ERICH1: variants seen among roughly 807,000 people sequenced by gnomAD.
ERICH1 encodes glutamate-rich protein 1.
In ERICH1, 56 loss-of-function variants were observed where a neutral mutation model predicts 39.6. The ratio of observed to expected loss-of-function variants is 1.41; its 90% CI spans 1.14 to 1.77. The LOEUF is 1.77. ERICH1 is among the 40% of genes most tolerant of loss of function. The pLI is 0.00. For missense variants in ERICH1, 826 were observed against 575.4 expected (o/e 1.44, Z -4.45); for synonymous variants, 313 against 223.6 (o/e 1.40, Z -3.57).
intron 4 of ERICH1, among the ~76,000 whole-genome samples, chr8:673,065 GC>G (rs1417261741): frequency 6.6e-6 from 1 of 152,260 alleles, no homozygotes; most frequent in East Asian, 1.9e-4. Flanking sequence ...AGGGGCGCAT[GC>G]CCATCCACAT....
At chr8:649,569 T>C (rs1799670631) in intron 3 of ERICH1, among the ~76,000 whole-genome samples, 1 of 151,772 alleles carries the variant, frequency 6.6e-6, no homozygotes, top group South Asian at 2.1e-4. Context: ...GTTGTCACCT[T>C]TGTTGGATGT....
chr8:618,551 G>T (rs533483910), intron 3 of ERICH1, among the ~76,000 whole-genome samples: 31 of 152,336 alleles, frequency 2.0e-4, no homozygotes, highest in Admixed American at 2.0e-3. Flanking sequence ...GTGACTGACA[G>T]AGCCTCCCCC....
intron 3 of ERICH1, among the ~76,000 whole-genome samples, chr8:634,902 T>A (rs922516936): frequency 6.6e-6 from 1 of 152,252 alleles, no homozygotes; most frequent in East Asian, 1.9e-4. Flanking sequence ...CAGGGCAGCG[T>A]CCCGCAAGGA....
At chr8:630,968 ATG>A (rs1326351515) in intron 3 of ERICH1, among the ~76,000 whole-genome samples, 2 of 130,364 alleles carry the variant, frequency 1.5e-5, no homozygotes, top group Non-Finnish European at 3.4e-5. Context: ...AGCACCCCAC[ATG>A]GACAGAGCTG....
At chr8:708,297 A>T (rs796658673) in intron 2 of ERICH1, among the ~76,000 whole-genome samples, 5 of 152,324 alleles carry the variant, frequency 3.3e-5, no homozygotes, top group African/African-American at 1.2e-4. Flanking sequence ...TATAAACTCA[A>T]GAGAATCGAA....
At chr8:672,225 T>C (rs548959559) in intron 4 of ERICH1, 5 of 152,276 alleles carry the variant, frequency 3.3e-5, no homozygotes, top group African/African-American at 1.2e-4. Context: ...ACACACAGAA[T>C]AGAAAGTTTA....
At position 668,676 on chromosome 8, in the gene ERICH1, T is replaced by A; in HGVS notation, c.1180A>T (p.Thr394Ser). The change falls in exon 5 of 6, where the codon ACG becomes TCG. Residue 394 changes from threonine (T) to serine (S), a missense_variant. Thr to Ser is a moderately conservative substitution (Grantham distance 58). Coordinates refer to ENST00000262109, the MANE Select transcript of ERICH1 (RefSeq NM_207332.3). ...TCAGTATCTTGCAGGAGCAGCAGCG[T>A]TTTCATGTGGTACAGGATGGACACG... The part of the protein sequence containing the change: ...SDVSILYHMK[T>S]LLLLQDTERL... The A allele has an allele frequency of 6.2e-7, 1 of 1,614,174 alleles. No homozygotes were observed. The highest frequency in any genetic ancestry group is 8.5e-7 in the Non-Finnish European group (1 of 1,180,044).
Position 632,045 on chromosome 8 carries a change from G to A in ERICH1, c.977-16761C>T, listed in dbSNP as rs556210711. Among the ~76,000 whole-genome samples, 14 of 152,268 alleles carry A rather than the reference G, an allele frequency of 9.2e-5. No homozygotes were observed. The South Asian group carries it at 1.2e-3, about 14-fold the overall frequency. On this transcript the variant is annotated intron_variant, in intron 3 of 3. Transcript: ENST00000522706. Reference sequence around the variant, plus strand: ...CACAGCCGGAATAGACTCGAGCTGCGTCTCTGCTTCCCCAGGACACAGGCT... The same window carrying A: ...CACAGCCGGAATAGACTCGAGCTGCATCTCTGCTTCCCCAGGACACAGGCT...
At chr8:721,792 A>C (rs1817380725) in intron 1 of ERICH1, among the ~76,000 whole-genome samples, 1 of 152,244 alleles carries the variant, frequency 6.6e-6, no homozygotes, top group Admixed American at 6.5e-5. Context: ...TAACCAGGAC[A>C]CAGTGAAGCA....
At chr8:619,124 GA>G (rs1332850411) in intron 3 of ERICH1, among the ~76,000 whole-genome samples, 2 of 151,986 alleles carry the variant, frequency 1.3e-5, no homozygotes, top group Non-Finnish European at 2.9e-5. Context: ...ATGTGGAAAA[GA>G]AAATGGGGGC....
chr8:677,685 TA>T (rs572706548), intron 3 of ERICH1, among the ~76,000 whole-genome samples: 1 of 152,104 alleles, frequency 6.6e-6, no homozygotes, highest in African/African-American at 2.4e-5. Flanking sequence ...CAGGTTCTGT[TA>T]AAAAAAGATG....
intron 3 of ERICH1, among the ~76,000 whole-genome samples, chr8:685,930 A>T (rs933326983): frequency 1.4e-5 from 2 of 145,068 alleles, no homozygotes; most frequent in African/African-American, 2.6e-5. Flanking sequence ...AGATCACTTG[A>T]CCCCAGCGGT....
At position 715,301 on chromosome 8, in the gene ERICH1, G is replaced by A. The variant is rs145588232; in HGVS notation, c.169+560C>T. On this transcript the variant is annotated intron_variant, in intron 2 of 5. Coordinates refer to ENST00000262109, the MANE Select transcript of ERICH1 (RefSeq NM_207332.3). ...TGCTGCACCCAGGTGGTCTCTTCCC[G>A]TGTCTCTCAGCGGGGTCCTCTCACA... 8.8e-3 allele frequency among the ~76,000 whole-genome samples: 1,348 copies of A among 152,352 alleles called. 12 individuals carry two copies. Among genetic ancestry groups the A allele is most frequent in the Middle Eastern group, 0.024 (7 of 294 alleles).
intron 3 of ERICH1, among the ~76,000 whole-genome samples, chr8:629,243 C>G (rs1421998524): frequency 6.6e-6 from 1 of 152,158 alleles, no homozygotes; most frequent in Non-Finnish European, 1.5e-5. Context: ...ACAGGCTACC[C>G]CAGGATGCAG....
intron 1 of ERICH1, among the ~76,000 whole-genome samples, chr8:728,388 G>A (rs1230089966): frequency 6.6e-6 from 1 of 152,166 alleles, no homozygotes; most frequent in South Asian, 2.1e-4. Flanking sequence ...AACGCCAGAT[G>A]CAGTCACTCC....
intron 3 of ERICH1, chr8:627,145 A>C: frequency 4.4e-6 from 2 of 456,298 alleles, no homozygotes; most frequent in Non-Finnish European, 8.8e-6. Flanking sequence ...GAAGACAGAC[A>C]GCAGCAGACC....
chr8:627,864 G>A (rs1446607332), intron 3 of ERICH1, among the ~76,000 whole-genome samples: 1 of 152,176 alleles, frequency 6.6e-6, no homozygotes, highest in African/African-American at 2.4e-5. Flanking sequence ...AGGAGGGTGA[G>A]GACCAAGCTC....
chr8:669,873 G>A (rs555669392), intron 4 of ERICH1, among the ~76,000 whole-genome samples: 18 of 152,292 alleles, frequency 1.2e-4, no homozygotes, highest in African/African-American at 4.3e-4. Flanking sequence ...TGGTGGTTTC[G>A]GCGTTAACCC....
intron 3 of ERICH1, among the ~76,000 whole-genome samples, chr8:618,467 T>C (rs1438653831): frequency 6.6e-6 from 1 of 152,192 alleles, no homozygotes; most frequent in African/African-American, 2.4e-5. Flanking sequence ...CTGTAAGTGC[T>C]TGGTGCTTGG....
Sources: gnomAD v4.1 joint callset for allele counts (sites outside exome capture counted in the v4.1 genomes callset) on GRCh38, gnomAD v4.1.1 for gene constraint, MANE v1.5 for transcripts, NCBI Gene and HGNC (gene_info 2026-07-23, HGNC 2026-07-21) for gene names.